Variants in RABGAP1 observed in about 807,000 individuals in gnomAD.
The protein encoded by RABGAP1 is RAB GTPase activating protein 1, also known as rab GTPase-activating protein 1.
In RABGAP1, 23 loss-of-function variants were observed where a neutral mutation model predicts 137.6. The ratio of observed to expected loss-of-function variants is 0.17; its 90% confidence interval spans 0.12 to 0.24. The LOEUF is 0.24. Among genes scored for constraint, RABGAP1 ranks in the 10% least tolerant of loss-of-function variants. The probability of loss-of-function intolerance (pLI) is 1.00; values close to 1 mark genes in which losing one functional copy is unlikely to be tolerated. For missense variants in RABGAP1, 906 were observed against 1,275.8 expected (o/e 0.71, Z 4.42); for synonymous variants, 451 against 450.7 (o/e 1.00, Z -0.01).
intron 2 of RABGAP1, among the ~76,000 whole-genome samples, chr9:122,970,253 A>G (rs1835398339): frequency 6.6e-6 from 1 of 152,004 alleles, no homozygotes; most frequent in African/African-American, 2.4e-5. Context: ...GCTAACATTT[A>G]TGCTTGGGAC....
At chr9:123,085,945 C>G (rs1405222537) in intron 19 of RABGAP1, among the ~76,000 whole-genome samples, 1 of 152,118 alleles carries the variant, frequency 6.6e-6, no homozygotes, top group African/African-American at 2.4e-5. Flanking sequence ...GTTTAACATC[C>G]TATTTTTATG....
chr9:122,989,194 T>C lies in RABGAP1; in HGVS notation c.591-103T>C, dbSNP rs1033927803. ...AAGGTTAATATCAGCATACCAAATA[T>C]ATGATCTTCTTACTAGAAAGAATGA... On this transcript the variant is annotated intron_variant, in intron 4 of 25. Coordinates refer to ENST00000373647, the MANE Select transcript of RABGAP1 (RefSeq NM_012197.4). The C allele has an allele frequency of 1.0e-5, 11 of 1,066,010 alleles. No individual in the cohort carries two copies. The East Asian group carries it at 2.6e-4, about 25-fold the overall frequency. 66.0% of individuals were successfully genotyped at this position (1,066,010 alleles called of 1,614,324 possible). A position where few individuals can be genotyped will look rare whatever the true frequency, so the allele number is the denominator to read the frequency against.
chr9:123,060,275 A>G (rs573251939), intron 13 of RABGAP1, among the ~76,000 whole-genome samples: 1 of 152,220 alleles, frequency 6.6e-6, no homozygotes, highest in African/African-American at 2.4e-5. Context: ...AAGTTCCCTT[A>G]TGCCCCTTTT....
At position 123,070,493 on chromosome 9, in the gene RABGAP1, A is replaced by G. The variant is rs891542653; in HGVS notation, c.1983+69A>G. 3 of 1,608,744 alleles carry G rather than the reference A, an allele frequency of 1.9e-6. No homozygotes were observed. Among genetic ancestry groups the G allele is most frequent in the African/African-American group, 2.7e-5 (2 of 74,778 alleles). ...TCAGCTTATACTAACCTTAGGCTTG[A>G]GCATGGTTTTATATTGGGTTTGGAC... On this transcript the variant is annotated intron_variant, in intron 15 of 25. Transcript: ENST00000373647. The surrounding 1 kb of genome is among the most constrained non-coding windows in gnomAD (Gnocchi z 4.4).
chr9:123,018,336 A>AC (rs2031386765), intron 12 of RABGAP1, among the ~76,000 whole-genome samples: 1 of 152,230 alleles, frequency 6.6e-6, no homozygotes, highest in African/African-American at 2.4e-5. Context: ...AGATGAAATT[A>AC]TTCTGAAAGT....
intron 2 of RABGAP1, among the ~76,000 whole-genome samples, chr9:122,957,913 C>G (rs1834619489): frequency 6.6e-6 from 1 of 150,960 alleles, no homozygotes; most frequent in African/African-American, 2.4e-5. Context: ...AATGAATCAT[C>G]CATTTTATTT....
chr9:123,012,393 A>C (rs1309912707), intron 11 of RABGAP1, among the ~76,000 whole-genome samples: 1 of 152,224 alleles, frequency 6.6e-6, no homozygotes, highest in Non-Finnish European at 1.5e-5. Flanking sequence ...ACAAACACAA[A>C]AATTGAGAAA....
intron 21 of RABGAP1, among the ~76,000 whole-genome samples, chr9:123,096,049 G>A (rs760055106): frequency 1.3e-5 from 2 of 152,212 alleles, no homozygotes; most frequent in Non-Finnish European, 2.9e-5. Context: ...TGAGTGGAGT[G>A]TACTGTGTCA....
At chr9:123,035,562 C>T in intron 13 of RABGAP1, 1 of 1,612,626 alleles carries the variant, frequency 6.2e-7, no homozygotes, top group Non-Finnish European at 8.5e-7. Context: ...AGACTACAGC[C>T]AACGACCCTT....
At chr9:123,098,143 G>T (rs2035238191) in intron 22 of RABGAP1, among the ~76,000 whole-genome samples, 1 of 152,200 alleles carries the variant, frequency 6.6e-6, no homozygotes. Flanking sequence ...ATCATATAAT[G>T]CCTGGCTGTT....
intron 15 of RABGAP1, among the ~76,000 whole-genome samples, chr9:123,072,540 T>A (rs143983349): frequency 8.8e-4 from 134 of 152,300 alleles, no homozygotes; most frequent in African/African-American, 3.1e-3. Context: ...CAGAGTGTTA[T>A]AAGTGCTTGT....
intron 19 of RABGAP1, among the ~76,000 whole-genome samples, chr9:123,081,540 G>A (rs182905093): frequency 7.2e-5 from 11 of 152,192 alleles, no homozygotes; most frequent in Admixed American, 6.5e-4. Context: ...AGACTCAAAC[G>A]ATCCTCCCAT....
intron 1 of RABGAP1, among the ~76,000 whole-genome samples, chr9:122,954,806 TG>T (rs1488667886): frequency 6.6e-6 from 1 of 152,352 alleles, no homozygotes; most frequent in East Asian, 1.9e-4. Context: ...TATAGCCTTT[TG>T]GAGTCAGATA....
intron 19 of RABGAP1, among the ~76,000 whole-genome samples, chr9:123,085,428 G>A (rs577366187): frequency 6.6e-6 from 1 of 152,264 alleles, no homozygotes; most frequent in East Asian, 1.9e-4. Context: ...ATACAGTGGG[G>A]TATAAGGTTG....
At chr9:122,968,686 C>G (rs563111159) in intron 2 of RABGAP1, among the ~76,000 whole-genome samples, 1 of 152,224 alleles carries the variant, frequency 6.6e-6, no homozygotes, top group East Asian at 1.9e-4. Flanking sequence ...AGGATCTGGG[C>G]TTACCACAAC....
chr9:123,066,534 C>G (rs917909284), intron 14 of RABGAP1, among the ~76,000 whole-genome samples: 4 of 152,198 alleles, frequency 2.6e-5, no homozygotes, highest in Admixed American at 2.0e-4. Flanking sequence ...ACATGTCACT[C>G]TCTTGGGTAC....
At chr9:122,959,621 T>G (rs948557772) in intron 2 of RABGAP1, among the ~76,000 whole-genome samples, 1 of 152,142 alleles carries the variant, frequency 6.6e-6, no homozygotes, top group Non-Finnish European at 1.5e-5. Flanking sequence ...CAAGAACCTG[T>G]TATTGGTAAC....
At chr9:123,015,796 A>T (rs989545490) in intron 12 of RABGAP1, among the ~76,000 whole-genome samples, 160 bp downstream of exon 12, 2 of 152,230 alleles carry the variant, frequency 1.3e-5, no homozygotes, top group Non-Finnish European at 2.9e-5. Flanking sequence ...AAAAGTAGAG[A>T]ATTGAAATCA....
the RABGAP1 span, among the ~76,000 whole-genome samples, chr9:122,931,756 G>A: frequency 6.6e-6 from 1 of 152,222 alleles, no homozygotes; most frequent in Non-Finnish European, 1.5e-5. Flanking sequence ...TGTGGCTCAG[G>A]CCCTGTGCGC....
Sources: allele counts gnomAD v4.1 joint callset (sites outside exome capture counted in the v4.1 genomes callset), GRCh38; gene constraint gnomAD v4.1.1; non-coding constraint Gnocchi (gnomAD v3.1); transcripts MANE v1.5; gene names NCBI Gene and HGNC (gene_info 2026-07-23, HGNC 2026-07-21).